The following EIF2AK4 variants were observed in gnomAD, a reference collection of about 807,000 sequenced individuals.
EIF2AK4 encodes eukaryotic translation initiation factor 2 alpha kinase 4.
A neutral mutation model predicts 211.1 loss-of-function variants in EIF2AK4; 139 were observed. The ratio of observed to expected loss-of-function variants is 0.66; its 90% CI spans 0.57 to 0.76. EIF2AK4 has a LOEUF of 0.76. Among genes scored for constraint, EIF2AK4 ranks in the 30% least tolerant of loss-of-function variants. The pLI is 0.00. For missense variants in EIF2AK4, 1,664 were observed against 2,043.8 expected (o/e 0.81, Z 3.58); for synonymous variants, 710 against 751.3 (o/e 0.94, Z 0.90).
rs199756192 is a variant in EIF2AK4 at position 39,976,791 on chromosome 15, T to C, written c.2196T>C (p.Asp732=). 2 of 1,568,122 alleles carry C rather than the reference T, an allele frequency of 1.3e-6. No homozygotes were observed. The highest frequency in any genetic ancestry group is 1.7e-6 in the Non-Finnish European group (2 of 1,159,608). Residue 732 remains aspartate (D), a synonymous_variant, in exon 12 of 39, where the codon GAT becomes GAC. Coordinates refer to ENST00000263791, the MANE Select transcript of EIF2AK4 (RefSeq NM_001013703.4). ...RFPATGPGSS[D]DEDDDEDEHG... is the part of the protein sequence containing the mutation. ...CCGCCACCGGCCCGGGCTCCAGCGA[T>C]GACGAGGACGACGACGAGGACGAGC...
chr15:39,935,829 C>G (rs1254062161), intron 1 of EIF2AK4, among the ~76,000 whole-genome samples: 1 of 152,168 alleles, frequency 6.6e-6, no homozygotes, highest in African/African-American at 2.4e-5. Context: ...AATCCTTGCC[C>G]TCAGGGAGCT....
chr15:39,963,978 C>A (rs1417875686), intron 7 of EIF2AK4, among the ~76,000 whole-genome samples: 5 of 152,182 alleles, frequency 3.3e-5, no homozygotes, highest in Non-Finnish European at 7.3e-5. Flanking sequence ...CATTTAATGC[C>A]ATGTGTTTCT....
rs2034028417 is a variant in EIF2AK4, at chr15:39,934,224, G to C, written c.29G>C (p.Arg10Pro). 1 of 1,592,930 alleles carries C rather than the reference G, an allele frequency of 6.3e-7. No homozygotes were observed. Among genetic ancestry groups the C allele is most frequent in the Non-Finnish European group, 8.5e-7 (1 of 1,170,960 alleles). The part of the protein sequence containing the change: MAGGRGAPG[R>P]GRDEPPESYP... The stretch of plus-strand genomic sequence containing the variant: ...GCTGGGGGCCGTGGGGCCCCCGGGC[G>C]CGGCCGGGACGAGCCTCCGGAGAGC... The change falls in exon 1 of 39, where the codon CGC (arginine) becomes CCC (proline). Residue 10 changes from arginine (R) to proline (P), a missense_variant. Physicochemically the swap from Arg to Pro is moderately radical, Grantham distance 103. This residue lies in a region of EIF2AK4 where 641 missense variants were observed against 729.6 expected (regional missense o/e 0.88). Coordinates refer to ENST00000263791, the MANE Select transcript of EIF2AK4 (RefSeq NM_001013703.4).
chr15:40,030,461 A>C lies in EIF2AK4; in HGVS notation c.4659+5A>C, dbSNP rs370830586. On this transcript the variant is annotated splice_donor_5th_base_variant and intron_variant, in intron 35 of 38. Transcript: ENST00000263791. ...AGGAGGCGCTATGAAACTCAGGTAC[A>C]CTGGGTCAGGGTTTCTTTGGCTTTC... is the stretch of plus-strand genomic sequence containing the variant. 7 of 1,613,246 alleles carry C rather than the reference A, an allele frequency of 4.3e-6. No homozygotes were observed. Among genetic ancestry groups the C allele is most frequent in the Admixed American group, 1.7e-5 (1 of 59,904 alleles).
intron 12 of EIF2AK4, chr15:39,977,170 T>G: frequency 1.7e-5 from 4 of 233,250 alleles, no homozygotes; most frequent in Non-Finnish European, 2.5e-5. Context: ...CCACCACTTT[T>G]AGAGAGTAAC....
chr15:39,977,612 T>A (rs1257197007), intron 12 of EIF2AK4: 2 of 152,334 alleles, frequency 1.3e-5, no homozygotes, highest in African/African-American at 2.4e-5. Flanking sequence ...ATACCTCATC[T>A]TATACATTGA....
At position 39,972,779 on chromosome 15, in the gene EIF2AK4, C is replaced by T. The variant is rs568895981; in HGVS notation, c.1554-129C>T. 1.5e-5 allele frequency: 10 copies of T among 672,128 alleles called. No individual in the cohort carries two copies. In the East Asian group the frequency reaches 2.7e-4, roughly 18 times the overall value. The allele number at this position is 672,128 out of a possible 1,614,324, so 41.6% of individuals were successfully genotyped here. On this transcript the variant is annotated intron_variant, in intron 9 of 38. Coordinates refer to ENST00000263791, the MANE Select transcript of EIF2AK4 (RefSeq NM_001013703.4). Reference sequence around the variant, plus strand: ...TTAAATTCACCTATGAGAGTACATTCTGGTCTTTGAGTAACATGAATTCTA... The same window carrying T: ...TTAAATTCACCTATGAGAGTACATTTTGGTCTTTGAGTAACATGAATTCTA...
At chr15:40,021,103 A>G (rs2140945539) in intron 31 of EIF2AK4, 76 bp downstream of exon 31, 3 of 1,493,776 alleles carry the variant, frequency 2.0e-6, no homozygotes, top group Admixed American at 3.9e-5. Context: ...CTGCACCTAT[A>G]GACTGTCAAA....
chr15:39,951,387 A>T (rs2034310559), intron 4 of EIF2AK4: 1 of 283,122 alleles, frequency 3.5e-6, no homozygotes, highest in Admixed American at 5.0e-5. Context: ...CTCTCCATGT[A>T]TGTGTCATGC....
At position 40,017,551 on chromosome 15, in the gene EIF2AK4, A is replaced by ATGTATGTATGTATG. The variant is rs1555422344; in HGVS notation, c.4065+310_4065+311insGTATGTATGTATGT. Among the ~76,000 whole-genome samples, 21 of 87,088 alleles carry ATGTATGTATGTATG rather than the reference A, an allele frequency of 2.4e-4. 1 individual carries two copies. Among genetic ancestry groups the ATGTATGTATGTATG allele is most frequent in the Non-Finnish European group, 4.1e-4 (18 of 43,514 alleles). 57.1% of individuals were successfully genotyped at this position (87,088 alleles called of 152,430 possible). A position where few individuals can be genotyped will look rare whatever the true frequency, so the allele number is the denominator to read the frequency against. On this transcript the variant is annotated intron_variant, in intron 29 of 38. Transcript: ENST00000263791. Reference sequence around the variant, plus strand: ...TATATATATATATATATATATATATATATGTATTTTGGAGACAGGGCCTTG... The same window carrying ATGTATGTATGTATG: ...TATATATATATATATATATATATATATGTATGTATGTATGTATGTATTTTGGAGACAGGGCCTTG...
At chr15:39,973,974 T>A (rs2034659700) in intron 11 of EIF2AK4, 1 of 406,116 alleles carries the variant, frequency 2.5e-6, no homozygotes, top group Non-Finnish European at 4.3e-6. Context: ...ATGTGGAGCA[T>A]TAACATGAAA....
chr15:40,020,833 T>G (rs1016142539), intron 30 of EIF2AK4, 66 bp from the exon 31 acceptor site: 2 of 1,446,122 alleles, frequency 1.4e-6, no homozygotes. Flanking sequence ...CCCCTCCTGA[T>G]GCTGGTTTCA....
intron 18 of EIF2AK4, among the ~76,000 whole-genome samples, chr15:39,994,569 A>G (rs1295906575): frequency 1.3e-5 from 2 of 152,222 alleles, no homozygotes; most frequent in East Asian, 1.9e-4. Context: ...TGATCATGCC[A>G]GTGCACTCCA....
chr15:39,944,718 C>G (rs2034202921), intron 3 of EIF2AK4, among the ~76,000 whole-genome samples: 1 of 152,178 alleles, frequency 6.6e-6, no homozygotes, highest in East Asian at 1.9e-4. Flanking sequence ...CAGGCGTGAG[C>G]CACCGCACCC....
chr15:40,022,179 AGC>A, intron 31 of EIF2AK4: 1 of 45,060 alleles, frequency 2.2e-5, no homozygotes, highest in Non-Finnish European at 4.7e-5. Context: ...AGGCTTTTTC[AGC>A]GTGTGTGTGT....
rs773569725 is a variant in EIF2AK4 at position 39,976,580 on chromosome 15, C to T, written c.1985C>T (p.Pro662Leu). The stretch of plus-strand genomic sequence containing the variant: ...GCCTGGATCGAGCGGCACGAGCGGC[C>T]GGCGGGACCGGGGACGCCGCCCCCG... ...YNAWIERHER[P>L]AGPGTPPPDS... Residue 662 changes from proline to leucine, a missense_variant, in exon 12 of 39, where the codon CCG becomes CTG. Pro to Leu is a moderately conservative substitution (Grantham distance 98). Coordinates refer to ENST00000263791, the MANE Select transcript of EIF2AK4 (RefSeq NM_001013703.4). 5.6e-6 allele frequency: 9 copies of T among 1,611,054 alleles called. No individual in the cohort carries two copies. In the East Asian group the frequency reaches 2.0e-4, roughly 36 times the overall value.
intron 29 of EIF2AK4, among the ~76,000 whole-genome samples, chr15:40,017,891 G>A (rs1487875202): frequency 2.0e-5 from 3 of 151,946 alleles, no homozygotes; most frequent in Non-Finnish European, 2.9e-5. Flanking sequence ...ATTGACATTT[G>A]TATAATGTAT....
intron 32 of EIF2AK4, among the ~76,000 whole-genome samples, chr15:40,022,969 T>C (rs1357658694): frequency 1.3e-5 from 2 of 152,136 alleles, no homozygotes; most frequent in East Asian, 1.9e-4. Flanking sequence ...CCTCGTGATC[T>C]GCCCGCCTCG....
intron 21 of EIF2AK4, 70 bp downstream of exon 21, chr15:40,001,294 A>G: frequency 2.0e-6 from 3 of 1,487,434 alleles, no homozygotes; most frequent in South Asian, 2.4e-5. Flanking sequence ...AGTTTCTCAC[A>G]GATTCTTTTA....
Sources: gnomAD v4.1 joint callset for allele counts (sites outside exome capture counted in the v4.1 genomes callset) on GRCh38, gnomAD v4.1.1 for gene constraint, gnomAD v4.1.1 regional missense constraint, MANE v1.5 for transcripts, NCBI Gene and HGNC (gene_info 2026-07-23, HGNC 2026-07-21) for gene names.